SNX24: variants seen among roughly 807,000 people sequenced by gnomAD.
SNX24 encodes sorting nexin 24.
SNX24 carries 22 observed loss-of-function variants against 28.7 expected under a neutral mutation model. The observed-to-expected ratio is 0.77, with a 90% CI of 0.55 to 1.10. The LOEUF is 1.10. Ranked by LOEUF, SNX24 falls within the 50% of genes least tolerant of loss-of-function variation. SNX24 has a pLI of 0.00. For missense variants in SNX24, 221 were observed against 201.1 expected (o/e 1.10, Z -0.60); for synonymous variants, 69 against 71.5 (o/e 0.96, Z 0.18).
intron 3 of SNX24, among the ~76,000 whole-genome samples, chr5:122,953,369 T>G: frequency 6.6e-6 from 1 of 152,122 alleles, no homozygotes; most frequent in East Asian, 1.9e-4. Context: ...CCTCCCAGAG[T>G]GCTAGGATTA....
intron 3 of SNX24, among the ~76,000 whole-genome samples, chr5:122,959,107 C>T (rs1409215281): frequency 5.9e-5 from 9 of 152,082 alleles, no homozygotes; most frequent in Non-Finnish European, 1.2e-4. Context: ...TTTAATGAAG[C>T]CATCAGGTCC....
chr5:122,955,771 G>A (rs1242728136), intron 3 of SNX24, among the ~76,000 whole-genome samples: 2 of 152,156 alleles, frequency 1.3e-5, no homozygotes, highest in Non-Finnish European at 2.9e-5. Context: ...TCCTCACATG[G>A]TTTCCGCTGA....
At chr5:122,933,046 A>G (rs1759029192) in intron 1 of SNX24, among the ~76,000 whole-genome samples, 1 of 151,996 alleles carries the variant, frequency 6.6e-6, no homozygotes, top group South Asian at 2.1e-4. Flanking sequence ...TGGGTTCTAG[A>G]TATTTTTATA....
downstream of SNX24, among the ~76,000 whole-genome samples, chr5:123,013,205 C>T (rs1424629607): frequency 1.3e-5 from 2 of 152,180 alleles, no homozygotes; most frequent in Non-Finnish European, 2.9e-5. Flanking sequence ...CAGTGAAATG[C>T]ATTTGGGTCC....
At chr5:122,940,826 G>T (rs1759413101) in intron 2 of SNX24, among the ~76,000 whole-genome samples, 1 of 152,156 alleles carries the variant, frequency 6.6e-6, no homozygotes, top group Non-Finnish European at 1.5e-5. Flanking sequence ...ACCTGCCTTG[G>T]CCTCCCAAAG....
At chr5:122,895,006 TA>T (rs1276935734) in intron 1 of SNX24, among the ~76,000 whole-genome samples, 2 of 87,168 alleles carry the variant, frequency 2.3e-5, no homozygotes, top group African/African-American at 5.8e-5. Flanking sequence ...AGTTTAACAG[TA>T]CTTTTTTTTT....
chr5:122,869,155 C>T (rs1023800233), intron 1 of SNX24, among the ~76,000 whole-genome samples: 1 of 152,148 alleles, frequency 6.6e-6, no homozygotes, highest in Non-Finnish European at 1.5e-5. Context: ...ACAATTAGAT[C>T]TCATTGTCAG....
At chr5:123,025,726 T>C (rs751045808) in intron 5 of SNX24, 17 of 1,525,358 alleles carry the variant, frequency 1.1e-5, no homozygotes, top group Non-Finnish European at 1.5e-5. Context: ...AATAAATCAC[T>C]GAAAGTACTC....
chr5:122,953,066 C>CTTCCTTTCTTTT (rs1257309958), intron 3 of SNX24, among the ~76,000 whole-genome samples: 3 of 151,560 alleles, frequency 2.0e-5, no homozygotes, highest in Non-Finnish European at 1.5e-5. Flanking sequence ...TTCTTTCTTT[C>CTTCCTTTCTTTT]TTCCTTTCTT....
chr5:122,889,907 C>G (rs1581710270), intron 1 of SNX24, among the ~76,000 whole-genome samples: 1 of 150,334 alleles, frequency 6.7e-6, no homozygotes, highest in East Asian at 1.9e-4. Flanking sequence ...CAATAATGTC[C>G]TTGTTAGTAT....
At chr5:122,878,491 G>A (rs1389003604) in intron 1 of SNX24, among the ~76,000 whole-genome samples, 1 of 152,168 alleles carries the variant, frequency 6.6e-6, no homozygotes, top group Non-Finnish European at 1.5e-5. Context: ...TTGTAAATCA[G>A]ACCAAAGACA....
chr5:122,861,839 T>C (rs953455509), intron 1 of SNX24, among the ~76,000 whole-genome samples: 6 of 152,184 alleles, frequency 3.9e-5, no homozygotes, highest in Admixed American at 1.3e-4. Context: ...CTGCCTTTTC[T>C]TAGTAGGGAT....
At chr5:123,012,451 G>A (rs564240708), downstream of SNX24, among the ~76,000 whole-genome samples, 14 of 152,170 alleles carry the variant, frequency 9.2e-5, no homozygotes, top group East Asian at 1.9e-4. Flanking sequence ...AGTATCTAGC[G>A]TAGTCAAATT....
At chr5:122,890,318 T>C (rs1023613302) in intron 1 of SNX24, among the ~76,000 whole-genome samples, 13 of 152,188 alleles carry the variant, frequency 8.5e-5, no homozygotes, top group African/African-American at 2.9e-4. Context: ...TTTGAGATTA[T>C]ATAAGGATTC....
At chr5:122,998,002 C>T (rs1024777007) in intron 3 of SNX24, among the ~76,000 whole-genome samples, 5 of 151,984 alleles carry the variant, frequency 3.3e-5, no homozygotes, top group Admixed American at 1.3e-4. Flanking sequence ...TGTGTGATGA[C>T]GCCTAGAACT....
chr5:122,891,277 C>A (rs925243084), intron 1 of SNX24, among the ~76,000 whole-genome samples: 3 of 151,536 alleles, frequency 2.0e-5, no homozygotes, highest in African/African-American at 4.9e-5. Context: ...TTAAAAATAC[C>A]GATTGGCAGG....
rs1432466031 is a variant in SNX24 at position 122,970,680 on chromosome 5, G to T, written c.249+24521G>T. ...AGACAGGGTTTCACCGTGTTAGCCA[G>T]GATGGCCTCCATCTCCTGACCTCGT... On this transcript the variant is annotated intron_variant, in intron 3 of 6. Transcript: ENST00000261369. Among the ~76,000 whole-genome samples, 5 of 152,166 alleles carry T rather than the reference G, an allele frequency of 3.3e-5. No homozygotes were observed. The East Asian group carries it at 9.7e-4, about 29-fold the overall frequency.
chr5:122,985,808 A>C (rs1485972259), intron 3 of SNX24, among the ~76,000 whole-genome samples: 2 of 151,974 alleles, frequency 1.3e-5, no homozygotes, highest in African/African-American at 2.4e-5. Context: ...TCACTATTTA[A>C]CCTTTCTTGG....
At chr5:122,923,731 A>G (rs985379558) in intron 1 of SNX24, among the ~76,000 whole-genome samples, 1 of 152,222 alleles carries the variant, frequency 6.6e-6, no homozygotes, top group African/African-American at 2.4e-5. Context: ...CAGCCTTGAA[A>G]GAACACAGGT....
Sources: allele counts gnomAD v4.1 joint callset (sites outside exome capture counted in the v4.1 genomes callset), GRCh38; gene constraint gnomAD v4.1.1; transcripts MANE v1.5; gene names NCBI Gene and HGNC (gene_info 2026-07-23, HGNC 2026-07-21).